Variants in DOP1A observed in about 807,000 individuals in gnomAD.
DOP1A encodes DOP1 leucine zipper like protein A, also known as protein DOP1A.
DOP1A carries 90 observed loss-of-function variants against 267.6 expected under a neutral mutation model. That is an observed-to-expected ratio of 0.34 (90% CI 0.28 to 0.40). The LOEUF is 0.40. Among genes scored for constraint, DOP1A ranks in the 10% least tolerant of loss-of-function variants. The pLI is 1.00. For missense variants in DOP1A, 2,437 were observed against 2,900.4 expected (o/e 0.84, Z 3.67); for synonymous variants, 932 against 999.1 (o/e 0.93, Z 1.27).
At position 83,138,448 on chromosome 6, in the gene DOP1A, C is replaced by G; in HGVS notation, c.4406C>G (p.Pro1469Arg). 6.2e-7 allele frequency: 1 copy of G among 1,612,544 alleles called. No homozygotes were observed. The highest frequency in any genetic ancestry group is 8.5e-7 in the Non-Finnish European group (1 of 1,179,866). The change falls in exon 21 of 39, where the codon CCA becomes CGA. Residue 1469 changes from proline to arginine, a missense_variant. This residue lies in a region of DOP1A where 878 missense variants were observed against 992.9 expected (regional missense o/e 0.88). Coordinates refer to ENST00000349129, the MANE Select transcript of DOP1A (RefSeq NM_015018.4). ...LCLYYMRSHY[P>R]THVKVTAQDL... is the part of the protein sequence containing the mutation. ...TTATATTACATGCGTAGCCATTACC[C>G]AACTCATGTCAAGGTTACTGCACAA...
chr6:83,085,395 T>C (rs1374148850), intron 1 of DOP1A, among the ~76,000 whole-genome samples: 1 of 152,108 alleles, frequency 6.6e-6, no homozygotes, highest in Non-Finnish European at 1.5e-5. Flanking sequence ...GTGTAACAAA[T>C]GCTAATAAGG....
intron 36 of DOP1A, among the ~76,000 whole-genome samples, chr6:83,159,034 C>T (rs565837892): frequency 1.3e-5 from 2 of 152,156 alleles, no homozygotes; most frequent in East Asian, 3.9e-4. Context: ...TTAATAGAGG[C>T]AGTTTATTAA....
chr6:83,171,015 T>G (rs1786976753), downstream of DOP1A: 1 of 152,662 alleles, frequency 6.6e-6, no homozygotes, highest in African/African-American at 2.4e-5. Context: ...TACTTTCACT[T>G]GAAATGACAG....
downstream of DOP1A, chr6:83,168,759 A>G: frequency 1.0e-6 from 1 of 1,000,712 alleles, no homozygotes; most frequent in Non-Finnish European, 1.2e-6. Context: ...TCATATAGGT[A>G]AGTCATCTAA....
chr6:83,131,192 C>A (rs1385297067), intron 17 of DOP1A, among the ~76,000 whole-genome samples: 2 of 152,048 alleles, frequency 1.3e-5, no homozygotes, highest in African/African-American at 4.8e-5. Context: ...AAATATTATT[C>A]TCTATATCGA....
intron 38 of DOP1A, chr6:83,167,643 G>C: frequency 7.9e-7 from 1 of 1,261,320 alleles, no homozygotes; most frequent in Middle Eastern, 3.1e-4. Context: ...ATTCTAGTTG[G>C]GAACTATTAC....
chr6:83,094,384 C>T (rs1368243393), intron 1 of DOP1A, among the ~76,000 whole-genome samples: 2 of 152,116 alleles, frequency 1.3e-5, no homozygotes, highest in African/African-American at 4.8e-5. Flanking sequence ...TTTGAGTGTA[C>T]ATATATTTTC....
intron 35 of DOP1A, among the ~76,000 whole-genome samples, chr6:83,158,279 G>A (rs150722044): frequency 0.018 from 2,757 of 152,152 alleles, 50 homozygotes; most frequent in Admixed American, 0.059. Flanking sequence ...GGGATTACAG[G>A]TGTGAGCCAC....
intron 35 of DOP1A, among the ~76,000 whole-genome samples, chr6:83,157,799 C>G (rs186769868): frequency 6.6e-6 from 1 of 152,126 alleles, no homozygotes; most frequent in African/African-American, 2.4e-5. Context: ...ACCTACCAAA[C>G]GGTAAAACCT....
At chr6:83,086,143 C>T (rs1428414257) in intron 1 of DOP1A, among the ~76,000 whole-genome samples, 4 of 151,996 alleles carry the variant, frequency 2.6e-5, no homozygotes, top group East Asian at 3.9e-4. Flanking sequence ...ACCCATGAAT[C>T]GAAAATCCAC....
At position 83,120,701 on chromosome 6, in the gene DOP1A, C is replaced by T; in HGVS notation, c.1009C>T (p.Gln337Ter). The T allele has an allele frequency of 1.3e-6, 2 of 1,580,890 alleles. No homozygotes were observed. The highest frequency in any genetic ancestry group is 1.7e-6 in the Non-Finnish European group (2 of 1,155,488). ...TTTAAAGGCAATGGTGGGAATCTTA[C>T]AAGTGAATGGATTTGGAGAAGAGAA... ...LLVQAMVGIL[Q>*]VNGFGEENTL... The change falls in exon 10 of 39, where the codon CAA (glutamine) becomes TAA (stop). Residue 337 changes from glutamine (Q) to a stop codon, truncating the protein, a stop_gained. Coordinates refer to ENST00000349129, the MANE Select transcript of DOP1A (RefSeq NM_015018.4). LOFTEE classifies it high-confidence loss of function.
rs7748804 is a variant in DOP1A, at chr6:83,147,321, C to T, written c.5732+30C>T. Reference sequence around the variant, plus strand: ...GATTACTGATATTGATCTGTCCTTACTATGTTGCTAGAAACAGAGAAACAT... The same window carrying T: ...GATTACTGATATTGATCTGTCCTTATTATGTTGCTAGAAACAGAGAAACAT... On this transcript the variant is annotated intron_variant, in intron 26 of 38. Transcript: ENST00000349129. 6.3e-4 allele frequency: 765 copies of T among 1,211,862 alleles called. 4 individuals are homozygous for T. The African/African-American group carries it at 0.011, about 17-fold the overall frequency. 75.1% of individuals were successfully genotyped at this position (1,211,862 alleles called of 1,614,324 possible).
At chr6:83,148,665 C>G (rs1040266356) in intron 26 of DOP1A, 94 bp from the exon 27 acceptor site, 2 of 764,286 alleles carry the variant, frequency 2.6e-6, no homozygotes, top group African/African-American at 1.9e-5. Context: ...GAATTTTGTT[C>G]TATCATTGTC....
chr6:83,113,984 T>G (rs1212367461), intron 7 of DOP1A, among the ~76,000 whole-genome samples: 1 of 152,100 alleles, frequency 6.6e-6, no homozygotes, highest in Non-Finnish European at 1.5e-5. Context: ...TGATGAAGAG[T>G]GATTTACAGC....
At chr6:83,167,165 C>A in intron 38 of DOP1A, 1 of 903,892 alleles carries the variant, frequency 1.1e-6, no homozygotes, top group Non-Finnish European at 1.3e-6. Context: ...TTAGACTGTC[C>A]CATTTTATAA....
At position 83,138,318 on chromosome 6, in the gene DOP1A, C is replaced by T; in HGVS notation, c.4276C>T (p.His1426Tyr). Reference sequence around the variant, plus strand: ...TCTCCTTCAGAATCTATTGGCCAGACACCGGATTTCTGTTATGGGCAAAGA... The same window carrying T: ...TCTCCTTCAGAATCTATTGGCCAGATACCGGATTTCTGTTATGGGCAAAGA... ...LSLLQNLLAR[H>Y]RISVMGKDFY... Residue 1426 changes from histidine (H) to tyrosine (Y), a missense_variant, in exon 21 of 39, where the codon CAC becomes TAC. Around this residue, in one of 9 missense-constraint regions of DOP1A, gnomAD observed 878 missense variants for 992.9 expected, o/e 0.88. Transcript: ENST00000349129. The T allele has an allele frequency of 6.2e-7, 1 of 1,612,400 alleles. No homozygotes were observed. The highest frequency in any genetic ancestry group is 8.5e-7 in the Non-Finnish European group (1 of 1,179,940).
At chr6:83,166,685 A>G in intron 38 of DOP1A, 4 of 1,248,512 alleles carry the variant, frequency 3.2e-6, no homozygotes, top group South Asian at 3.2e-5. Flanking sequence ...CACCAACCTA[A>G]TATTTTCCTT....
chr6:83,118,799 C>G, intron 7 of DOP1A, 89 bp from the exon 8 acceptor site: 1 of 1,059,804 alleles, frequency 9.4e-7, no homozygotes, highest in Non-Finnish European at 1.4e-6. Context: ...CCCTAATATT[C>G]TAAGCATATT....
At chr6:83,071,844 T>G (rs1785663039) in intron 1 of DOP1A, among the ~76,000 whole-genome samples, 1 of 152,198 alleles carries the variant, frequency 6.6e-6, no homozygotes, top group African/African-American at 2.4e-5. Context: ...AAGATAAACA[T>G]TTGAATCTAA....
Sources: gnomAD v4.1 joint callset for allele counts (sites outside exome capture counted in the v4.1 genomes callset) on GRCh38, gnomAD v4.1.1 for gene constraint, gnomAD v4.1.1 regional missense constraint, MANE v1.5 for transcripts, NCBI Gene and HGNC (gene_info 2026-07-23, HGNC 2026-07-21) for gene names.